BZW1: variants seen among roughly 807,000 people sequenced by gnomAD.
BZW1 encodes the protein eIF5-mimic protein 2.
BZW1 carries 3 observed loss-of-function variants against 54.1 expected under a neutral mutation model. That is an observed-to-expected ratio of 0.06 (90% CI 0.03 to 0.14). BZW1 has a LOEUF of 0.14. Among genes scored for constraint, BZW1 ranks in the 10% least tolerant of loss-of-function variants. BZW1 has a pLI of 1.00. For missense variants in BZW1, 206 were observed against 491.7 expected, an observed-to-expected ratio of 0.42 and a Z score of 5.50; for synonymous variants, 152 against 162.7, an observed-to-expected ratio of 0.93 and a Z score of 0.50.
chr2:200,812,035 G>A (rs1301530947), intron 1 of BZW1, 45 bp downstream of exon 1: 2 of 398,564 alleles, frequency 5.0e-6, no homozygotes, highest in Non-Finnish European at 8.6e-6. Flanking sequence ...GCTGCGGGTC[G>A]TGGACGCCGG....
chr2:200,821,993 C>T (rs1021555165), intron 11 of BZW1, among the ~76,000 whole-genome samples, 154 bp from the exon 12 acceptor site: 4 of 152,072 alleles, frequency 2.6e-5, no homozygotes, highest in African/African-American at 7.2e-5. Flanking sequence ...CACTTGAACC[C>T]GGGAGGCAGA....
rs748578473 is a variant in BZW1, at chr2:200,818,365, A to G, written c.791A>G (p.Gln264Arg). The G allele has an allele frequency of 6.3e-6, 10 of 1,599,748 alleles. No homozygotes were observed. The highest frequency in any genetic ancestry group is 1.8e-5 in the Admixed American group (1 of 54,284). Residue 264 changes from glutamine (Q) to arginine (R), a missense_variant, in exon 8 of 12, where the codon CAG (glutamine) becomes CGG (arginine). Transcript: ENST00000409600. Reference protein sequence around the residue: ...RKELQKELQEQMSRGDPFKDI... With the variant: ...RKELQKELQERMSRGDPFKDI... Reference sequence around the variant, plus strand: ...GAGCTCCAGAAAGAACTTCAAGAACAGATGTCCCGTGGTGATCCATTTAAG... The same window carrying G: ...GAGCTCCAGAAAGAACTTCAAGAACGGATGTCCCGTGGTGATCCATTTAAG...
intron 4 of BZW1, 127 bp from the exon 5 acceptor site, chr2:200,816,198 A>T (rs1291197713): frequency 9.0e-6 from 5 of 557,056 alleles, no homozygotes; most frequent in Non-Finnish European, 3.1e-6. Flanking sequence ...GGACATTCTT[A>T]TGTGTCACTA....
At position 200,825,820 on chromosome 2, in the gene BZW1, GC is replaced by G. The variant is rs2038675135; in HGVS notation, c.*3644del. On this transcript the variant is annotated 3_prime_UTR_variant, in exon 12 of 12. Coordinates refer to ENST00000409600, the MANE Select transcript of BZW1 (RefSeq NM_001207067.2). ...GGTTGGCTTTAAATGTAATGTAGAT[GC>G]CAAAGTTTTAGTGTACAGTGTTACT... The G allele has an allele frequency of 6.6e-6, 1 of 152,184 alleles. No homozygotes were observed. Among genetic ancestry groups the G allele is most frequent in the South Asian group, 2.1e-4 (1 of 4,834 alleles). 9.4% of individuals were successfully genotyped at this position (152,184 alleles called of 1,614,324 possible).
intron 10 of BZW1, 57 bp from the exon 11 acceptor site, chr2:200,821,126 T>A (rs1353025323): frequency 6.3e-7 from 1 of 1,585,076 alleles, no homozygotes; most frequent in African/African-American, 1.4e-5. Flanking sequence ...AGGTGGTGGT[T>A]CTAACGCTGA....
intron 11 of BZW1, among the ~76,000 whole-genome samples, chr2:200,821,558 CT>C (rs60011087): frequency 3.7e-4 from 53 of 144,562 alleles, no homozygotes; most frequent in Middle Eastern, 3.5e-3. Context: ...GATTTCTTTT[CT>C]TTTTTTTTTT....
chr2:200,815,867 G>C, intron 4 of BZW1, 106 bp downstream of exon 4: 1 of 1,161,062 alleles, frequency 8.6e-7, no homozygotes, highest in Non-Finnish European at 1.2e-6. Flanking sequence ...GAAGGAATTT[G>C]ATTTTAAATT....
At chr2:200,814,448 C>T (rs1486379529) in intron 2 of BZW1, among the ~76,000 whole-genome samples, 1 of 152,136 alleles carries the variant, frequency 6.6e-6, no homozygotes, top group Non-Finnish European at 1.5e-5. Context: ...GTGTTTGTCA[C>T]CCTAGTACTG....
rs2038561568 is a variant in BZW1 at position 200,822,464 on chromosome 2, T to A, written c.*286T>A. 5.6e-6 allele frequency: 1 copy of A among 177,774 alleles called. No homozygotes were observed. The highest frequency in any genetic ancestry group is 1.1e-4 in the East Asian group (1 of 9,434). 11.0% of individuals were successfully genotyped at this position (177,774 alleles called of 1,614,324 possible). On this transcript the variant is annotated 3_prime_UTR_variant, in exon 12 of 12. Transcript: ENST00000409600. ...TATTTTCTACTGTAATAATGTAATT[T>A]AAGGCCTTCCACAATGAACAGTTCA... is the stretch of plus-strand genomic sequence containing the variant.
intron 10 of BZW1, among the ~76,000 whole-genome samples, chr2:200,820,683 C>CA (rs1176605993): frequency 0.039 from 5,599 of 144,078 alleles, 335 homozygotes; most frequent in African/African-American, 0.13. Flanking sequence ...GACCCTGTTT[C>CA]AAAAAAAAAA....
chr2:200,815,587 G>A (rs2038258942), intron 3 of BZW1, 70 bp downstream of exon 3: 3 of 1,598,812 alleles, frequency 1.9e-6, no homozygotes, highest in Middle Eastern at 1.7e-4. Context: ...GGAGAGTCTA[G>A]AATATGAACT....
intron 1 of BZW1, chr2:200,812,466 T>TGCG: frequency 7.5e-7 from 1 of 1,337,246 alleles, no homozygotes; most frequent in Non-Finnish European, 9.6e-7. Context: ...GTCCGCTCGT[T>TGCG]GCGGCGGCCG....
At chr2:200,813,305 T>G in intron 2 of BZW1, 24 bp downstream of exon 2, 1 of 1,586,674 alleles carries the variant, frequency 6.3e-7, no homozygotes, top group Non-Finnish European at 8.6e-7. Flanking sequence ...TTTTAATGTC[T>G]CTCTTCAAAC....
At chr2:200,815,188 G>A (rs1019991166) in intron 2 of BZW1, among the ~76,000 whole-genome samples, 153 bp from the exon 3 acceptor site, 1 of 152,150 alleles carries the variant, frequency 6.6e-6, no homozygotes, top group African/African-American at 2.4e-5. Flanking sequence ...CTTGTGAGTG[G>A]GCCATCTTGT....
chr2:200,817,288 G>T, intron 6 of BZW1, 47 bp downstream of exon 6: 3 of 1,595,338 alleles, frequency 1.9e-6, no homozygotes, highest in South Asian at 1.1e-5. Flanking sequence ...GAGTGGGGTG[G>T]ATAAGAGCAT....
intron 2 of BZW1, 81 bp from the exon 3 acceptor site, chr2:200,815,260 T>C (rs2038241852): frequency 7.4e-7 from 1 of 1,349,178 alleles, no homozygotes; most frequent in Non-Finnish European, 1.0e-6. Flanking sequence ...ATTTAACAAT[T>C]GCATCTTCAT....
rs1035858166 is a variant in BZW1, at chr2:200,823,495, A to C, written c.*1317A>C. On this transcript the variant is annotated 3_prime_UTR_variant, in exon 12 of 12. Transcript: ENST00000409600. The stretch of plus-strand genomic sequence containing the variant: ...AAAAGTGAACATTTTGAAGGTTTTT[A>C]ACTGGTGAAACTAGCCTGGAATAAT... The C allele has an allele frequency of 6.6e-6, 1 of 151,722 alleles. No homozygotes were observed. The highest frequency in any genetic ancestry group is 2.4e-5 in the African/African-American group (1 of 41,182). The allele number at this position is 151,722 out of a possible 1,614,324, so 9.4% of individuals were successfully genotyped here. A position where few individuals can be genotyped will look rare whatever the true frequency, so the allele number is the denominator to read the frequency against.
intron 2 of BZW1, 30 bp from the exon 3 acceptor site, chr2:200,815,311 C>G: frequency 6.4e-7 from 1 of 1,562,118 alleles, no homozygotes; most frequent in Non-Finnish European, 8.7e-7. Context: ...TCTTTTAAAA[C>G]TAAATGTTTT....
At chr2:200,814,494 C>T (rs1559309958) in intron 2 of BZW1, among the ~76,000 whole-genome samples, 1 of 152,194 alleles carries the variant, frequency 6.6e-6, no homozygotes, top group South Asian at 2.1e-4. Flanking sequence ...ATTGGGAAAG[C>T]AAAACCCTAT....
Sources: allele counts gnomAD v4.1 joint callset (sites outside exome capture counted in the v4.1 genomes callset), GRCh38; gene constraint gnomAD v4.1.1; transcripts MANE v1.5; gene names NCBI Gene and HGNC (gene_info 2026-07-23, HGNC 2026-07-21).